ATP2B3: variants seen among roughly 807,000 people sequenced by gnomAD.
ATP2B3 encodes the protein ATPase plasma membrane Ca2+ transporting 3.
Under a neutral mutation model 70.8 loss-of-function variants are expected in ATP2B3, and 12 were observed. That is an observed-to-expected ratio of 0.17 (90% CI 0.11 to 0.27). The LOEUF is 0.27. ATP2B3 is among the 10% of genes least tolerant of loss of function. The pLI, the probability that ATP2B3 is intolerant of heterozygous loss-of-function variation, is 1.00. For missense variants in ATP2B3, 858 were observed against 1,118.5 expected (o/e 0.77, Z 3.32); for synonymous variants, 460 against 497.8 (o/e 0.92, Z 1.01).
intron 21 of ATP2B3, among the ~76,000 whole-genome samples, chrX:153,577,867 G>A (rs7883837): frequency 0.034 from 3,779 of 111,083 alleles, 167 homozygotes; most frequent in African/African-American, 0.12. Context: ...CGATCAGCCC[G>A]CCTCGGCCTC....
At chrX:153,579,414 G>A (rs183528949) in intron 21 of ATP2B3, among the ~76,000 whole-genome samples, 8 of 112,830 alleles carry the variant, frequency 7.1e-5, no homozygotes, top group East Asian at 2.8e-4. Context: ...GAGAAAGGCC[G>A]GCAGTGCCCA....
At chrX:153,536,512 G>A (rs1346938523) in intron 3 of ATP2B3, 57 bp downstream of exon 3, 4 of 1,120,113 alleles carry the variant, frequency 3.6e-6, no homozygotes, top group African/African-American at 1.8e-5. Flanking sequence ...TCAGAGGAGC[G>A]ACCTGAAGGC....
At chrX:153,523,248 T>A (rs1349192531) in intron 2 of ATP2B3, among the ~76,000 whole-genome samples, 1 of 112,735 alleles carries the variant, frequency 8.9e-6, no homozygotes, top group Admixed American at 9.4e-5. Flanking sequence ...AGAAGAAATT[T>A]GATCATTCAA....
intron 7 of ATP2B3, among the ~76,000 whole-genome samples, chrX:153,545,380 A>C (rs1345962335): frequency 8.8e-6 from 1 of 113,024 alleles, no homozygotes; most frequent in Non-Finnish European, 1.9e-5. Flanking sequence ...CCTTTAAAAC[A>C]CACACTGGGG....
intron 2 of ATP2B3, among the ~76,000 whole-genome samples, chrX:153,526,571 G>A (rs1234221016): frequency 4.5e-5 from 5 of 112,055 alleles, no homozygotes; most frequent in East Asian, 2.8e-4. Flanking sequence ...CTCAGTTCAC[G>A]CGATTCAGAC....
intron 21 of ATP2B3, chrX:153,569,558 G>A (rs782205527): frequency 5.0e-6 from 6 of 1,198,175 alleles, no homozygotes; most frequent in Non-Finnish European, 6.8e-6. Flanking sequence ...GTGATAGCCT[G>A]GACAACAGTG....
At chrX:153,579,831 G>A (rs902260793) in intron 21 of ATP2B3, 147 bp from the exon 22 acceptor site, 2 of 499,024 alleles carry the variant, frequency 4.0e-6, no homozygotes, top group Admixed American at 7.5e-5. Flanking sequence ...CCCAGCCATT[G>A]ACGTGGGTGG....
At chrX:153,576,142 C>T (rs1557021338) in intron 21 of ATP2B3, among the ~76,000 whole-genome samples, 1 of 111,539 alleles carries the variant, frequency 9.0e-6, no homozygotes, top group Non-Finnish European at 1.9e-5. Flanking sequence ...CCAGTTCCAT[C>T]GCCTACTGGA....
intron 21 of ATP2B3, among the ~76,000 whole-genome samples, chrX:153,570,627 T>G (rs1409494909): frequency 1.8e-5 from 2 of 112,055 alleles, no homozygotes; most frequent in Non-Finnish European, 3.8e-5. Flanking sequence ...CCAGGCAGCC[T>G]GCTTTTTCCA....
At chrX:153,553,654 T>C (rs1557012551) in intron 13 of ATP2B3, among the ~76,000 whole-genome samples, 2 of 111,950 alleles carry the variant, frequency 1.8e-5, no homozygotes, top group African/African-American at 6.5e-5. Flanking sequence ...CTGGGGCTAC[T>C]CTACGGTCAG....
intron 5 of ATP2B3, 145 bp from the exon 6 acceptor site, chrX:153,542,178 A>G (rs2090295164): frequency 1.0e-6 from 1 of 970,106 alleles, no homozygotes; most frequent in Non-Finnish European, 1.4e-6. Flanking sequence ...TCCCCCCTAC[A>G]AAGGATGCAA....
In ATP2B3 at chrX:153,560,026, C is replaced by T. The variant is rs192638140; in HGVS notation, c.2839+84C>T. ...TCAGATTCTGTCTGGTGTGTCTCCA[C>T]CTGTGTCTCCGCACCCAGTACGGGG... On this transcript the variant is annotated intron_variant, in intron 18 of 21. Transcript: ENST00000263519. 1.6e-4 allele frequency: 156 copies of T among 966,119 alleles called. 1 individual carries two copies. In the African/African-American group the frequency reaches 2.2e-3, roughly 14 times the overall value. The allele number at this position is 966,119 out of a possible 1,213,427, so 79.6% of individuals were successfully genotyped here. A position where few individuals can be genotyped will look rare whatever the true frequency, so the allele number is the denominator to read the frequency against.
At chrX:153,545,885 G>C (rs1424716564) in intron 7 of ATP2B3, among the ~76,000 whole-genome samples, 1 of 111,890 alleles carries the variant, frequency 8.9e-6, no homozygotes, top group Non-Finnish European at 1.9e-5. Flanking sequence ...GGCCGAAGGG[G>C]AGCCCTGGGC....
In ATP2B3 at chrX:153,550,072, C is replaced by T. The variant is rs782742360; in HGVS notation, c.1609C>T (p.Arg537Cys). ...TCCTGAGAAGGAAGGCGCCCTCCCACGCCAGGTGGGCAATAAGACGGAGTG... is the reference window on the plus strand; with the variant it reads ...TCCTGAGAAGGAAGGCGCCCTCCCATGCCAGGTGGGCAATAAGACGGAGTG... ...LPPEKEGALPRQVGNKTECAL... is the reference protein window; with the variant it reads ...LPPEKEGALPCQVGNKTECAL... Residue 537 changes from arginine (R) to cysteine (C), a missense_variant, in exon 12 of 22, where the codon CGC (arginine) becomes TGC (cysteine). This residue lies in a region of ATP2B3 where 242 missense variants were observed against 281.3 expected (regional missense o/e 0.86). Transcript: ENST00000263519. 5 of 1,211,557 alleles carry T rather than the reference C, an allele frequency of 4.1e-6. No homozygotes were observed. The highest frequency in any genetic ancestry group is 3.0e-5 in the East Asian group (1 of 33,819).
intron 2 of ATP2B3, among the ~76,000 whole-genome samples, chrX:153,533,427 A>G (rs2090146301): frequency 9.0e-6 from 1 of 110,613 alleles, no homozygotes; most frequent in Admixed American, 9.6e-5. Flanking sequence ...CAGAGCTGGC[A>G]GGGCTGTGTG....
chrX:153,570,239 C>T (rs782068063), intron 21 of ATP2B3, among the ~76,000 whole-genome samples: 2 of 112,541 alleles, frequency 1.8e-5, no homozygotes, highest in South Asian at 3.7e-4. Flanking sequence ...ATCTAGCCCA[C>T]GTACCCAGGA....
chrX:153,568,558 G>A (rs782554811), intron 21 of ATP2B3, among the ~76,000 whole-genome samples: 2 of 111,937 alleles, frequency 1.8e-5, no homozygotes, highest in Non-Finnish European at 3.8e-5. Flanking sequence ...GACACACTCA[G>A]TATGCATTCC....
intron 2 of ATP2B3, among the ~76,000 whole-genome samples, chrX:153,533,956 C>G (rs1010537516): frequency 1.8e-4 from 20 of 111,987 alleles, no homozygotes; most frequent in Non-Finnish European, 3.8e-4. Context: ...CCTCGGTGAC[C>G]GTGCCACGAG....
At chrX:153,576,297 G>A (rs1313935251) in intron 21 of ATP2B3, among the ~76,000 whole-genome samples, 2 of 111,413 alleles carry the variant, frequency 1.8e-5, no homozygotes, top group East Asian at 2.9e-4. Flanking sequence ...CCCCAGGCAG[G>A]ACATAGCAGC....
Sources: allele counts gnomAD v4.1 joint callset (sites outside exome capture counted in the v4.1 genomes callset), GRCh38; gene constraint gnomAD v4.1.1; regional missense constraint gnomAD v4.1.1; transcripts MANE v1.5; gene names NCBI Gene and HGNC (gene_info 2026-07-23, HGNC 2026-07-21).